The following RSRC1 variants were observed in gnomAD, a reference collection of about 807,000 sequenced individuals.
RSRC1 encodes serine/Arginine-related protein 53.
Under a neutral mutation model 49.1 loss-of-function variants are expected in RSRC1, and 39 were observed. The observed-to-expected ratio is 0.79, with a 90% CI of 0.61 to 1.04. The LOEUF is 1.04. Among genes scored for constraint, RSRC1 ranks in the 50% least tolerant of loss-of-function variants. The pLI is 0.00. For missense variants in RSRC1, 388 were observed against 402.4 expected (o/e 0.96, Z 0.31); for synonymous variants, 143 against 130.8 (o/e 1.09, Z -0.63).
At chr3:158,338,413 C>A (rs1730037815) in intron 5 of RSRC1, among the ~76,000 whole-genome samples, 1 of 151,970 alleles carries the variant, frequency 6.6e-6, no homozygotes, top group South Asian at 2.1e-4. Context: ...CTAGCTTAGA[C>A]CTTGATCCTA....
intron 5 of RSRC1, among the ~76,000 whole-genome samples, chr3:158,320,912 A>G (rs1318704830): frequency 6.6e-6 from 1 of 152,208 alleles, no homozygotes; most frequent in East Asian, 1.9e-4. Flanking sequence ...ATGCATCAGA[A>G]TCCATAGTTC....
chr3:158,465,724 G>T (rs1326627974), intron 7 of RSRC1, among the ~76,000 whole-genome samples: 4 of 152,082 alleles, frequency 2.6e-5, no homozygotes, highest in African/African-American at 9.7e-5. Context: ...TCCATTGTAA[G>T]ATTTAAAATG....
At chr3:158,389,066 G>A (rs1330013665) in intron 6 of RSRC1, among the ~76,000 whole-genome samples, 1 of 152,104 alleles carries the variant, frequency 6.6e-6, no homozygotes, top group Admixed American at 6.5e-5. Context: ...ATTCTAACTG[G>A]GGAAGTCAGG....
chr3:158,470,580 T>G (rs1482971027), intron 7 of RSRC1, among the ~76,000 whole-genome samples: 2 of 152,162 alleles, frequency 1.3e-5, no homozygotes, highest in Non-Finnish European at 2.9e-5. Flanking sequence ...TATAATTTAG[T>G]TGGTGTAAAA....
chr3:158,223,346 G>A (rs1242773066), intron 4 of RSRC1, among the ~76,000 whole-genome samples: 1 of 151,614 alleles, frequency 6.6e-6, no homozygotes, highest in East Asian at 1.9e-4. Flanking sequence ...TTTCTGTAAA[G>A]GGCCAGATTG....
intron 3 of RSRC1, among the ~76,000 whole-genome samples, chr3:158,147,890 A>T (rs1717246769): frequency 6.6e-6 from 1 of 152,120 alleles, no homozygotes; most frequent in South Asian, 2.1e-4. Context: ...ACTTTTTTTA[A>T]ACTCTATATT....
At chr3:158,181,965 G>A (rs1341204518) in intron 3 of RSRC1, among the ~76,000 whole-genome samples, 1 of 152,090 alleles carries the variant, frequency 6.6e-6, no homozygotes, top group East Asian at 1.9e-4. Context: ...ATTCTAACAA[G>A]GAGGATAGTC....
chr3:158,426,822 G>C (rs1486034348), intron 6 of RSRC1, among the ~76,000 whole-genome samples: 3 of 151,732 alleles, frequency 2.0e-5, no homozygotes, highest in Non-Finnish European at 4.4e-5. Flanking sequence ...TGTGTTTAAA[G>C]AAGGGAGCCA....
At chr3:158,163,227 T>C (rs1718345798) in intron 3 of RSRC1, among the ~76,000 whole-genome samples, 1 of 152,298 alleles carries the variant, frequency 6.6e-6, no homozygotes, top group South Asian at 2.1e-4. Context: ...GGTCTCAAAC[T>C]CCTGGCTTCA....
rs1360384329 is a variant in RSRC1 at position 158,221,382 on chromosome 3, CATCCAT to C, written c.494+18138_494+18143del. Among the ~76,000 whole-genome samples the C allele has an allele frequency of 4.0e-5, 6 of 151,236 alleles. No individual in the cohort carries two copies. The East Asian group carries it at 1.2e-3, about 29-fold the overall frequency. On this transcript the variant is annotated intron_variant, in intron 4 of 9. Coordinates refer to ENST00000611884, the MANE Select transcript of RSRC1 (RefSeq NM_001271838.2). ...TTTTTAAGTTGAAAGATGGATTTCT[CATCCAT>C]TAGATTCTGCATTAGAGTGATGAGA...
chr3:158,194,541 C>G (rs1009293066), intron 3 of RSRC1, among the ~76,000 whole-genome samples: 17 of 145,886 alleles, frequency 1.2e-4, no homozygotes, highest in Admixed American at 2.8e-4. Flanking sequence ...TATATGTGCA[C>G]AACGTGCAGG....
chr3:158,170,307 C>T (rs201357750), intron 3 of RSRC1, among the ~76,000 whole-genome samples: 292 of 143,204 alleles, frequency 2.0e-3, no homozygotes, highest in African/African-American at 6.1e-3. Flanking sequence ...TCTGGTCTGC[C>T]TTTTTTTTTT....
chr3:158,238,472 C>G (rs1446915227), intron 4 of RSRC1, among the ~76,000 whole-genome samples: 1 of 152,140 alleles, frequency 6.6e-6, no homozygotes, highest in Admixed American at 6.5e-5. Context: ...AACTATACTA[C>G]AAGGCTACAG....
chr3:158,394,127 C>G (rs1392448022), intron 6 of RSRC1, among the ~76,000 whole-genome samples: 1 of 151,794 alleles, frequency 6.6e-6, no homozygotes, highest in Admixed American at 6.6e-5. Flanking sequence ...AAACTCTCAA[C>G]AAACTAGGCA....
At chr3:158,457,657 A>G (rs1394430616) in intron 6 of RSRC1, among the ~76,000 whole-genome samples, 3 of 152,144 alleles carry the variant, frequency 2.0e-5, no homozygotes, top group African/African-American at 2.4e-5. Flanking sequence ...AATAATTATC[A>G]GAATTAGGAG....
chr3:158,371,269 G>A (rs1732061275), intron 6 of RSRC1, among the ~76,000 whole-genome samples: 1 of 151,756 alleles, frequency 6.6e-6, no homozygotes, highest in Non-Finnish European at 1.5e-5. Flanking sequence ...ACAGCAAAAT[G>A]CACCTTTTTT....
At chr3:158,321,245 C>G (rs192653975) in intron 5 of RSRC1, among the ~76,000 whole-genome samples, 55 of 149,486 alleles carry the variant, frequency 3.7e-4, no homozygotes, top group African/African-American at 1.4e-3. Context: ...GTTATTCTCT[C>G]TCTTCCTTCT....
At position 158,321,953 on chromosome 3, in the gene RSRC1, AGAG is replaced by A. The variant is rs1284493365; in HGVS notation, c.531+23879_531+23881del. On this transcript the variant is annotated intron_variant, in intron 5 of 9. Coordinates refer to ENST00000611884, the MANE Select transcript of RSRC1 (RefSeq NM_001271838.2). ...AAACATATGTCTTTTAAAGAAATTAAGAGAAGAAACTTTTAACACCTACACACA... is the reference window on the plus strand; with the variant it reads ...AAACATATGTCTTTTAAAGAAATTAAAAGAAACTTTTAACACCTACACACA... Among the ~76,000 whole-genome samples, 5 of 146,980 alleles carry A rather than the reference AGAG, an allele frequency of 3.4e-5. No homozygotes were observed. In the East Asian group the frequency reaches 8.1e-4, roughly 24 times the overall value.
intron 4 of RSRC1, among the ~76,000 whole-genome samples, chr3:158,288,882 T>C (rs914632464): frequency 1.6e-5 from 2 of 128,810 alleles, no homozygotes; most frequent in Admixed American, 9.0e-5. Context: ...GTTGACTTCA[T>C]TGTTGTGGAT....
Sources: allele counts gnomAD v4.1 joint callset (sites outside exome capture counted in the v4.1 genomes callset), GRCh38; gene constraint gnomAD v4.1.1; transcripts MANE v1.5; gene names NCBI Gene and HGNC (gene_info 2026-07-23, HGNC 2026-07-21).